Variants in CRPPA observed in about 807,000 individuals in gnomAD.
CRPPA encodes the protein CDP-L-ribitol pyrophosphorylase A.
In CRPPA, 43 loss-of-function variants were observed where a neutral mutation model predicts 52.0. The observed-to-expected ratio is 0.83, with a 90% CI of 0.65 to 1.07. CRPPA has a LOEUF of 1.07. CRPPA is among the 50% of genes least tolerant of loss of function. CRPPA has a pLI of 0.00. For synonymous variants in CRPPA, 250 were observed against 203.5 expected, an observed-to-expected ratio of 1.23 and a Z score of -1.94; for missense variants, 629 against 551.7, an observed-to-expected ratio of 1.14 and a Z score of -1.40.
At chr7:16,329,146 G>T (rs58877550) in intron 3 of CRPPA, among the ~76,000 whole-genome samples, 11,741 of 152,176 alleles carry the variant, frequency 0.077, 548 homozygotes, top group East Asian at 0.2. Flanking sequence ...GGCAATTTTA[G>T]TTACAGATTA....
chr7:16,244,180 A>G (rs996646780), intron 8 of CRPPA, among the ~76,000 whole-genome samples: 1 of 152,024 alleles, frequency 6.6e-6, no homozygotes, highest in Non-Finnish European at 1.5e-5. Flanking sequence ...TCCCTTCTGT[A>G]AGTGGATCTT....
At chr7:16,156,307 C>A (rs1783180289) in intron 9 of CRPPA, among the ~76,000 whole-genome samples, 1 of 152,264 alleles carries the variant, frequency 6.6e-6, no homozygotes. Context: ...TTTGGCCACA[C>A]TTCTACTTTG....
chr7:16,378,379 C>G (rs914318342), intron 2 of CRPPA, among the ~76,000 whole-genome samples: 2 of 149,538 alleles, frequency 1.3e-5, no homozygotes, highest in African/African-American at 4.9e-5. Flanking sequence ...TTTGTACTTG[C>G]GATAGTTTAC....
intron 9 of CRPPA, among the ~76,000 whole-genome samples, chr7:16,107,626 T>A (rs1489562966): frequency 6.6e-6 from 1 of 152,050 alleles, no homozygotes; most frequent in Non-Finnish European, 1.5e-5. Flanking sequence ...GCAAGTTTTT[T>A]AAACTGAAAC....
chr7:16,382,524 T>G (rs1256903893), intron 2 of CRPPA, among the ~76,000 whole-genome samples: 2 of 152,100 alleles, frequency 1.3e-5, no homozygotes, highest in African/African-American at 4.8e-5. Flanking sequence ...ATTTCCTGAA[T>G]CTGAACGTTG....
At position 16,376,232 on chromosome 7, in the gene CRPPA, C is replaced by T; in HGVS notation, c.544G>A (p.Ala182Thr). The change falls in exon 3 of 10, where the codon GCC becomes ACC. Residue 182 changes from alanine (A) to threonine (T), a missense_variant. By Grantham distance (58) the Ala-to-Thr change is moderately conservative (BLOSUM62 0). Coordinates refer to ENST00000407010, the MANE Select transcript of CRPPA (RefSeq NM_001101426.4). Reference protein sequence around the residue: ...TAAKEHGAAGAIRPLVSTVVS... With the variant: ...TAAKEHGAAGTIRPLVSTVVS... ...ACAGTAGATACAAGAGGTCGAATGGCTCCTGCTGCCTGAAGAACAAAGAGG... is the reference window on the plus strand; with the variant it reads ...ACAGTAGATACAAGAGGTCGAATGGTTCCTGCTGCCTGAAGAACAAAGAGG... 1 of 1,599,040 alleles carries T rather than the reference C, an allele frequency of 6.3e-7. No homozygotes were observed. Among genetic ancestry groups the T allele is most frequent in the Non-Finnish European group, 8.5e-7 (1 of 1,174,300 alleles).
At chr7:16,226,022 A>T (rs1340549445) in intron 8 of CRPPA, among the ~76,000 whole-genome samples, 1 of 151,982 alleles carries the variant, frequency 6.6e-6, no homozygotes, top group African/African-American at 2.4e-5. Context: ...CACTGTATCC[A>T]AGTCATATTA....
At chr7:16,285,324 T>C (rs1784400047) in intron 5 of CRPPA, among the ~76,000 whole-genome samples, 1 of 152,146 alleles carries the variant, frequency 6.6e-6, no homozygotes. Context: ...AGATTTAACA[T>C]TAAATGATAC....
Position 16,258,500 on chromosome 7 carries a change from T to C in CRPPA, c.1027-18A>G, listed in dbSNP as rs928018439. Reference sequence around the variant, plus strand: ...GTTGTAACCTAAAAGACCAGAAAAATAAAAGGATATGAGAAGACGTTTTTA... The same window carrying C: ...GTTGTAACCTAAAAGACCAGAAAAACAAAAGGATATGAGAAGACGTTTTTA... On this transcript the variant is annotated intron_variant, in intron 7 of 9. Transcript: ENST00000407010. 4.7e-6 allele frequency: 7 copies of C among 1,487,834 alleles called. No homozygotes were observed. The highest frequency in any genetic ancestry group is 4.6e-5 in the East Asian group (2 of 43,422). The allele number at this position is 1,487,834 out of a possible 1,614,324, so 92.2% of individuals were successfully genotyped here.
intron 5 of CRPPA, among the ~76,000 whole-genome samples, chr7:16,286,086 T>TAAAAA (rs1784438419): frequency 1.2e-4 from 1 of 8,008 alleles, no homozygotes; most frequent in Non-Finnish European, 2.1e-4. Flanking sequence ...TATATAATAT[T>TAAAAA]TAAAAAAAAA....
intron 3 of CRPPA, among the ~76,000 whole-genome samples, chr7:16,343,560 A>C (rs1437217732): frequency 6.6e-6 from 1 of 152,166 alleles, no homozygotes; most frequent in Non-Finnish European, 1.5e-5. Flanking sequence ...TCAGTTTCCC[A>C]CTGCAGCATT....
rs147321958 is a variant in CRPPA, at chr7:16,154,106, G to A, written c.1251+61960C>T. On this transcript the variant is annotated intron_variant, in intron 9 of 9. Coordinates refer to ENST00000407010, the MANE Select transcript of CRPPA (RefSeq NM_001101426.4). ...AGTAGTATTAAATAAATAACCTGACGTTAGCAGCGGTTGTGGCCTGCCTCC... is the reference window on the plus strand; with the variant it reads ...AGTAGTATTAAATAAATAACCTGACATTAGCAGCGGTTGTGGCCTGCCTCC... 1.7e-3 allele frequency among the ~76,000 whole-genome samples: 261 copies of A among 151,236 alleles called. 2 individuals carry two copies. The East Asian group carries it at 0.023, about 13-fold the overall frequency.
intron 1 of CRPPA, among the ~76,000 whole-genome samples, chr7:16,418,608 C>A (rs1788250598): frequency 6.6e-6 from 1 of 152,088 alleles, no homozygotes; most frequent in African/African-American, 2.4e-5. Context: ...GGAGAATGAA[C>A]ACAGGAGGAA....
chr7:16,165,069 G>C (rs1377135495), intron 9 of CRPPA, among the ~76,000 whole-genome samples: 1 of 152,032 alleles, frequency 6.6e-6, no homozygotes, highest in Non-Finnish European at 1.5e-5. Context: ...TGGCAGGTAG[G>C]AACGTTTAAG....
chr7:16,286,217 T>C (rs1784445802), intron 5 of CRPPA, among the ~76,000 whole-genome samples: 1 of 149,796 alleles, frequency 6.7e-6, no homozygotes, highest in Non-Finnish European at 1.5e-5. Context: ...TTTGGTCAAA[T>C]ATTAAGTGTT....
At chr7:16,377,926 C>T (rs923010222) in intron 2 of CRPPA, among the ~76,000 whole-genome samples, 7 of 152,012 alleles carry the variant, frequency 4.6e-5, no homozygotes, top group African/African-American at 1.7e-4. Context: ...GGGCCCTGAT[C>T]ACTCTTTTTC....
chr7:16,105,241 C>G (rs1782128010), intron 9 of CRPPA, among the ~76,000 whole-genome samples: 1 of 152,138 alleles, frequency 6.6e-6, no homozygotes, highest in African/African-American at 2.4e-5. Context: ...AACCCCAACA[C>G]TTGGAAACAA....
chr7:16,218,379 T>A (rs1782392435), intron 8 of CRPPA, among the ~76,000 whole-genome samples: 1 of 127,132 alleles, frequency 7.9e-6, no homozygotes. Context: ...AGAAACTGCA[T>A]CAACTAACGA....
intron 2 of CRPPA, among the ~76,000 whole-genome samples, chr7:16,381,408 C>A (rs1271353037): frequency 6.6e-6 from 1 of 151,848 alleles, no homozygotes; most frequent in Non-Finnish European, 1.5e-5. Context: ...GCTTTACTTC[C>A]AACTATGTGG....
Sources: allele counts gnomAD v4.1 joint callset (sites outside exome capture counted in the v4.1 genomes callset), GRCh38; gene constraint gnomAD v4.1.1; transcripts MANE v1.5; gene names NCBI Gene and HGNC (gene_info 2026-07-23, HGNC 2026-07-21).